RCOR3: variants seen among roughly 807,000 people sequenced by gnomAD.
RCOR3 encodes the protein REST corepressor 3.
A neutral mutation model predicts 64.1 loss-of-function variants in RCOR3; 13 were observed. That is an observed-to-expected ratio of 0.20 (90% CI 0.13 to 0.32). The LOEUF (loss-of-function observed/expected upper bound fraction) is 0.32, where lower values mean the gene tolerates loss of function less well. RCOR3 is among the 10% of genes least tolerant of loss of function. The pLI is 1.00. For synonymous variants in RCOR3, 215 were observed against 239.0 expected (o/e 0.90, Z 0.93); for missense variants, 489 against 701.2 (o/e 0.70, Z 3.42).
chr1:211,312,864 G>A lies in RCOR3; in HGVS notation c.1220G>A (p.Gly407Glu). The A allele has an allele frequency of 6.2e-7, 1 of 1,614,200 alleles. No homozygotes were observed. Among genetic ancestry groups the A allele is most frequent in the Non-Finnish European group, 8.5e-7 (1 of 1,180,038 alleles). Residue 407 changes from glycine (G) to glutamate (E), a missense_variant, in exon 11 of 12, where the codon GGA (glycine) becomes GAA (glutamate). Transcript: ENST00000419091. This position sits in a 1 kb window ranked among gnomAD's most constrained non-coding sequence, Gnocchi z 5.0. ...EVLQEWEAEQ[G>E]TQASNGDAST... ...TTGCAGGAGTGGGAAGCAGAACAAG[G>A]AACCCAGGCTTCTAATGGTGATGCT...
At chr1:211,279,861 C>T (rs972861055) in intron 7 of RCOR3, among the ~76,000 whole-genome samples, 2 of 152,128 alleles carry the variant, frequency 1.3e-5, no homozygotes, top group South Asian at 2.1e-4. Flanking sequence ...TCTGCTATAC[C>T]ATCCCTAACC....
intron 7 of RCOR3, among the ~76,000 whole-genome samples, chr1:211,284,738 T>C (rs1698297180): frequency 6.6e-6 from 1 of 151,888 alleles, no homozygotes. Context: ...TCCAGACTGG[T>C]CTTGAGCTTC....
chr1:211,289,376 T>C lies in RCOR3; in HGVS notation c.919T>C (p.Leu307=), dbSNP rs1483625771. The C allele has an allele frequency of 9.9e-6, 16 of 1,613,702 alleles. No individual in the cohort carries two copies. The highest frequency in any genetic ancestry group is 7.7e-5 in the South Asian group (7 of 91,078). Residue 307 remains leucine (L), a synonymous_variant, in exon 8 of 12, where the codon TTG becomes CTG. Transcript: ENST00000419091. ...NTILRQLDME[L]ISLKRQVQNA... ...CATCCTGAGGCAACTGGACATGGAG[T>C]TGATCTCTCTAAAACGTCAGGTATT...
rs911764832 is a variant in RCOR3, at chr1:211,259,440, T to G, written c.-121T>G. On this transcript the variant is annotated 5_prime_UTR_variant, in exon 1 of 12. Transcript: ENST00000419091. ...CTCCATATTAACAGCCTCCTCCTCCTCCGCCGCCGCCGCCGTCTCCTCCTC... is the reference window on the plus strand; with the variant it reads ...CTCCATATTAACAGCCTCCTCCTCCGCCGCCGCCGCCGCCGTCTCCTCCTC... 1.4e-4 allele frequency: 138 copies of G among 993,824 alleles called. No homozygotes were observed. Among genetic ancestry groups the G allele is most frequent in the African/African-American group, 7.4e-4 (41 of 55,308 alleles). The allele number at this position is 993,824 out of a possible 1,614,324, so 61.6% of individuals were successfully genotyped here. A position where few individuals can be genotyped will look rare whatever the true frequency, so the allele number is the denominator to read the frequency against.
At position 211,309,142 on chromosome 1, in the gene RCOR3, C is replaced by T. The variant is rs1260841215; in HGVS notation, c.1076-3578C>T. Among the ~76,000 whole-genome samples, 4 of 136,086 alleles carry T rather than the reference C, an allele frequency of 2.9e-5. No homozygotes were observed. In the South Asian group the frequency reaches 7.1e-4, roughly 24 times the overall value. 89.3% of individuals were successfully genotyped at this position (136,086 alleles called of 152,430 possible). A position where few individuals can be genotyped will look rare whatever the true frequency, so the allele number is the denominator to read the frequency against. Reference sequence around the variant, plus strand: ...CCATTTTCACAGTTGGGAAATACCACATAAATTCTCCTGAAGTTACCACAA... The same window carrying T: ...CCATTTTCACAGTTGGGAAATACCATATAAATTCTCCTGAAGTTACCACAA... On this transcript the variant is annotated intron_variant, in intron 10 of 11. Coordinates refer to ENST00000419091, the MANE Select transcript of RCOR3 (RefSeq NM_001136223.3).
rs1262755646 is a variant in RCOR3 at position 211,313,560 on chromosome 1, C to T, written c.1454C>T (p.Ala485Val). 6.2e-7 allele frequency: 1 copy of T among 1,614,150 alleles called. No homozygotes were observed. The highest frequency in any genetic ancestry group is 1.1e-5 in the South Asian group (1 of 91,060). ...CGTCCAACACTGCCTGCTGCCCCGGCTCTTCACCGGCAGCCTCCTCCACTC... is the reference window on the plus strand; with the variant it reads ...CGTCCAACACTGCCTGCTGCCCCGGTTCTTCACCGGCAGCCTCCTCCACTC... ...LLRPTLPAAPALHRQPPPLQQ... is the reference protein window; with the variant it reads ...LLRPTLPAAPVLHRQPPPLQQ... Residue 485 changes from alanine to valine, a missense_variant, in exon 12 of 12, where the codon GCT becomes GTT. Coordinates refer to ENST00000419091, the MANE Select transcript of RCOR3 (RefSeq NM_001136223.3). The surrounding 1 kb of genome is among the most constrained non-coding windows in gnomAD (Gnocchi z 4.7).
chr1:211,261,923 C>CAAAAAAAA (rs1158597755), intron 2 of RCOR3, among the ~76,000 whole-genome samples: 22,732 of 33,870 alleles, frequency 0.67, 9,798 homozygotes, highest in East Asian at 0.89. Flanking sequence ...GACTCCATCT[C>CAAAAAAAA]AAAAAAAAAA....
chr1:211,281,731 A>G (rs1697839845), intron 7 of RCOR3, among the ~76,000 whole-genome samples: 1 of 152,166 alleles, frequency 6.6e-6, no homozygotes, highest in Non-Finnish European at 1.5e-5. Flanking sequence ...TGCCTAGGAA[A>G]TTCCTCACAA....
chr1:211,280,158 C>T (rs538863755), intron 7 of RCOR3, among the ~76,000 whole-genome samples: 1 of 152,230 alleles, frequency 6.6e-6, no homozygotes, highest in African/African-American at 2.4e-5. Flanking sequence ...TTTATCTGGG[C>T]AGCTGTTTTG....
intron 10 of RCOR3, among the ~76,000 whole-genome samples, chr1:211,310,877 C>T (rs1266236681): frequency 6.6e-6 from 1 of 152,148 alleles, no homozygotes; most frequent in Non-Finnish European, 1.5e-5. Flanking sequence ...CACTTCTAAA[C>T]TCGTGTATTC....
intron 10 of RCOR3, 69 bp downstream of exon 10, chr1:211,304,209 G>C (rs1700647616): frequency 4.5e-6 from 5 of 1,108,630 alleles, no homozygotes; most frequent in Non-Finnish European, 6.3e-6. Context: ...GACTACTCTA[G>C]TTCTTCCCTT....
chr1:211,274,407 C>T (rs2022331135), intron 4 of RCOR3, 145 bp downstream of exon 4: 1 of 490,384 alleles, frequency 2.0e-6, no homozygotes, highest in African/African-American at 2.0e-5. Context: ...AAAGAGTGAC[C>T]TTTCAATATT....
intron 8 of RCOR3, among the ~76,000 whole-genome samples, chr1:211,289,982 A>G (rs76239366): frequency 0.028 from 4,234 of 152,326 alleles, 208 homozygotes; most frequent in African/African-American, 0.095. Context: ...AAATGTGGAT[A>G]ATAGTATAGT....
At chr1:211,307,486 AAAAAGAATTT>A (rs139185430) in intron 10 of RCOR3, among the ~76,000 whole-genome samples, 381 of 14,348 alleles carry the variant, frequency 0.027, 1 homozygote, top group South Asian at 0.066. Flanking sequence ...GACTCAAAAA[AAAAAGAATTT>A]AAAAGAATTT....
rs756643084 is a variant in RCOR3 at position 211,268,369 on chromosome 1, C to CTTTTT, written c.224-2840_224-2836dup. Among the ~76,000 whole-genome samples the CTTTTT allele has an allele frequency of 3.5e-4, 28 of 79,354 alleles. 1 individual carries two copies. Among genetic ancestry groups the CTTTTT allele is most frequent in the Non-Finnish European group, 4.7e-4 (19 of 40,308 alleles). The allele number at this position is 79,354 out of a possible 152,430, so 52.1% of individuals were successfully genotyped here. On this transcript the variant is annotated intron_variant, in intron 2 of 11. Coordinates refer to ENST00000419091, the MANE Select transcript of RCOR3 (RefSeq NM_001136223.3). ...AGATATATCAAAGTTTCTTTTCTTT[C>CTTTTT]TTTTTTTTTTTTTTTTTTTTTTTTT...
At chr1:211,277,098 AAAAAAAAC>A (rs1256038611) in intron 5 of RCOR3, among the ~76,000 whole-genome samples, 3 of 145,330 alleles carry the variant, frequency 2.1e-5, no homozygotes, top group East Asian at 1.9e-4. Flanking sequence ...AAAAAAAAAC[AAAAAAAAC>A]AAAAAAACAA....
chr1:211,313,585 C>G lies in RCOR3; in HGVS notation c.1479C>G (p.Leu493=). 1.9e-6 allele frequency: 3 copies of G among 1,614,128 alleles called. No homozygotes were observed. Among genetic ancestry groups the G allele is most frequent in the Non-Finnish European group, 2.5e-6 (3 of 1,180,026 alleles). Residue 493 remains leucine (L), a synonymous_variant, in exon 12 of 12, where the codon CTC becomes CTG. Coordinates refer to ENST00000419091, the MANE Select transcript of RCOR3 (RefSeq NM_001136223.3). This position sits in a 1 kb window ranked among gnomAD's most constrained non-coding sequence, Gnocchi z 4.7. The stretch of plus-strand genomic sequence containing the variant: ...CTCTTCACCGGCAGCCTCCTCCACT[C>G]CAGCAGCAGGCTCGGTTCATCCAGC... ...APALHRQPPP[L]QQQARFIQPR...
At chr1:211,276,577 A>G (rs1439601771) in intron 5 of RCOR3, among the ~76,000 whole-genome samples, 159 bp downstream of exon 5, 1 of 151,990 alleles carries the variant, frequency 6.6e-6, no homozygotes, top group East Asian at 1.9e-4. Flanking sequence ...TTCTGCAACC[A>G]CTCTTACATG....
In RCOR3 at chr1:211,260,228, G is replaced by A. The variant is rs1271475517; in HGVS notation, c.223+64G>A. 4.7e-6 allele frequency: 7 copies of A among 1,494,094 alleles called. No homozygotes were observed. The East Asian group carries it at 1.1e-4, about 24-fold the overall frequency. 92.6% of individuals were successfully genotyped at this position (1,494,094 alleles called of 1,614,324 possible). ...TCCTGGGCTTGGTTTGGGGTGGACG[G>A]GCTAGGAGTCCGGGCATGGGGCCGG... On this transcript the variant is annotated intron_variant, in intron 2 of 11. Transcript: ENST00000419091.
Sources: allele counts gnomAD v4.1 joint callset (sites outside exome capture counted in the v4.1 genomes callset), GRCh38; gene constraint gnomAD v4.1.1; non-coding constraint Gnocchi (gnomAD v3.1); transcripts MANE v1.5; gene names NCBI Gene and HGNC (gene_info 2026-07-23, HGNC 2026-07-21).